The following ZNF462 variants were observed in gnomAD, a reference collection of about 807,000 sequenced individuals.
The protein encoded by ZNF462 is zinc finger protein 462, also known as zinc finger PBX1-interacting protein.
Under a neutral mutation model 201.9 loss-of-function variants are expected in ZNF462, and 10 were observed. The observed-to-expected ratio is 0.05, with a 90% CI of 0.03 to 0.08. ZNF462 has a LOEUF of 0.08. Among genes scored for constraint, ZNF462 ranks in the 10% least tolerant of loss-of-function variants. The pLI is 1.00. For missense variants in ZNF462, 2,523 were observed against 3,168.3 expected, an observed-to-expected ratio of 0.80 and a Z score of 4.89; for synonymous variants, 1,227 against 1,193.3, an observed-to-expected ratio of 1.03 and a Z score of -0.58.
At position 106,978,884 on chromosome 9, in the gene ZNF462, A is replaced by G; in HGVS notation, c.6832+4611A>G. On this transcript the variant is annotated intron_variant, in intron 9 of 12. Transcript: ENST00000277225. This position sits in a 1 kb window ranked among gnomAD's most constrained non-coding sequence, Gnocchi z 4.1. ...TGCCTCCTCAGTGATGTGGGATCTC[A>G]TCATATCTGTCATTATAATTGGTCC... 6.9e-6 allele frequency: 2 copies of G among 289,760 alleles called. No homozygotes were observed. The highest frequency in any genetic ancestry group is 7.2e-5 in the South Asian group (2 of 27,796). The allele number at this position is 289,760 out of a possible 1,614,324, so 17.9% of individuals were successfully genotyped here. A position where few individuals can be genotyped will look rare whatever the true frequency, so the allele number is the denominator to read the frequency against.
At position 106,902,149 on chromosome 9, in the gene ZNF462, A is replaced by T. The variant is rs1349807653; in HGVS notation, c.-30-21205A>T. Among the ~76,000 whole-genome samples, 2 of 152,110 alleles carry T rather than the reference A, an allele frequency of 1.3e-5. No individual in the cohort carries two copies. The highest frequency in any genetic ancestry group is 2.9e-5 in the Non-Finnish European group (2 of 68,014). On this transcript the variant is annotated intron_variant, in intron 1 of 12. Coordinates refer to ENST00000277225, the MANE Select transcript of ZNF462 (RefSeq NM_021224.6). This position sits in a 1 kb window ranked among gnomAD's most constrained non-coding sequence, Gnocchi z 4.2. Reference sequence around the variant, plus strand: ...ATAAAGGGATGCTGGATTTTGTCGAATGCTTTTTCTGCCTCTATTGAGATG... The same window carrying T: ...ATAAAGGGATGCTGGATTTTGTCGATTGCTTTTTCTGCCTCTATTGAGATG...
At chr9:106,874,333 A>G (rs1489141408) in intron 1 of ZNF462, among the ~76,000 whole-genome samples, 1 of 152,178 alleles carries the variant, frequency 6.6e-6, no homozygotes, top group Non-Finnish European at 1.5e-5. Flanking sequence ...CCAGTTCTCA[A>G]TGGGTTTCTT....
intron 1 of ZNF462, among the ~76,000 whole-genome samples, chr9:106,904,518 A>G (rs1829187154): frequency 1.3e-5 from 2 of 152,098 alleles, no homozygotes; most frequent in Admixed American, 1.3e-4. Context: ...ATTCCCCCCG[A>G]TATGTTTTCT....
chr9:106,958,582 AAAATG>A (rs1831684091), intron 7 of ZNF462, among the ~76,000 whole-genome samples: 1 of 152,144 alleles, frequency 6.6e-6, no homozygotes, highest in Non-Finnish European at 1.5e-5. Flanking sequence ...AAGATTTCTC[AAAATG>A]AGTAGTAAGC....
intron 1 of ZNF462, among the ~76,000 whole-genome samples, chr9:106,873,716 A>G (rs1827701969): frequency 1.3e-5 from 2 of 152,172 alleles, no homozygotes; most frequent in Non-Finnish European, 2.9e-5. Context: ...GAAACATCAC[A>G]AGATAGTAAG....
In ZNF462 at chr9:107,013,011, T is replaced by C. The variant is rs181214900; in HGVS notation, c.*1981T>C. 7.0e-6 allele frequency: 1 copy of C among 143,274 alleles called. No individual in the cohort carries two copies. Among genetic ancestry groups the C allele is most frequent in the East Asian group, 1.9e-4 (1 of 5,178 alleles). 8.9% of individuals were successfully genotyped at this position (143,274 alleles called of 1,614,324 possible). On this transcript the variant is annotated 3_prime_UTR_variant, in exon 13 of 13. Coordinates refer to ENST00000277225, the MANE Select transcript of ZNF462 (RefSeq NM_021224.6). ...TATCCAGACAAAGATTCATTTTGTG[T>C]CTATATTTGTTTTTAATTGGCCTCA... is the stretch of plus-strand genomic sequence containing the variant.
At position 106,981,737 on chromosome 9, in the gene ZNF462, T is replaced by A. The variant is rs756592259; in HGVS notation, c.6833-2449T>A. Among the ~76,000 whole-genome samples the A allele has an allele frequency of 3.4e-4, 52 of 152,068 alleles. No individual in the cohort carries two copies. The highest frequency in any genetic ancestry group is 7.5e-4 in the Non-Finnish European group (51 of 68,008). ...AAACCAACCTAAGTGGTAGAGGAAT[T>A]GAAAAGGAGGCTCATAAAAAAGTTT... On this transcript the variant is annotated intron_variant, in intron 9 of 12. Transcript: ENST00000277225. This position sits in a 1 kb window ranked among gnomAD's most constrained non-coding sequence, Gnocchi z 4.0.
In ZNF462 at chr9:106,966,475, A is replaced by G. The variant is rs953915918; in HGVS notation, c.6428-5530A>G. Among the ~76,000 whole-genome samples, 1 of 152,106 alleles carries G rather than the reference A, an allele frequency of 6.6e-6. No individual in the cohort carries two copies. The highest frequency in any genetic ancestry group is 2.4e-5 in the African/African-American group (1 of 41,432). ...TAGTTATATTTATTAATGGACACTC[A>G]TAGTTCTCTTGACATCCCCTCTCCA... On this transcript the variant is annotated intron_variant, in intron 7 of 12. Coordinates refer to ENST00000277225, the MANE Select transcript of ZNF462 (RefSeq NM_021224.6). This position sits in a 1 kb window ranked among gnomAD's most constrained non-coding sequence, Gnocchi z 4.4.
intron 10 of ZNF462, among the ~76,000 whole-genome samples, chr9:106,996,750 T>C (rs1156757174): frequency 6.6e-6 from 1 of 152,182 alleles, no homozygotes; most frequent in African/African-American, 2.4e-5. Context: ...AAAAATTTTC[T>C]CCTGTTCTAT....
rs1302145717 is a variant in ZNF462, at chr9:106,876,874, C to G, written c.-31+13519C>G. 1.3e-5 allele frequency among the ~76,000 whole-genome samples: 2 copies of G among 152,200 alleles called. No homozygotes were observed. Among genetic ancestry groups the G allele is most frequent in the Non-Finnish European group, 2.9e-5 (2 of 68,048 alleles). ...GTTTATATAAATGTTGTCTGCCTCACTGTTGCTCTACTCACATACATATCT... is the reference window on the plus strand; with the variant it reads ...GTTTATATAAATGTTGTCTGCCTCAGTGTTGCTCTACTCACATACATATCT... On this transcript the variant is annotated intron_variant, in intron 1 of 12. Transcript: ENST00000277225. This position sits in a 1 kb window ranked among gnomAD's most constrained non-coding sequence, Gnocchi z 4.9.
chr9:106,871,203 T>C (rs1485277034), intron 1 of ZNF462, among the ~76,000 whole-genome samples: 8 of 152,256 alleles, frequency 5.3e-5, no homozygotes, highest in Admixed American at 5.2e-4. Flanking sequence ...CTCATTTCTA[T>C]TGCTAATGAA....
intron 7 of ZNF462, among the ~76,000 whole-genome samples, chr9:106,947,115 G>A (rs1044795805): frequency 2.0e-5 from 3 of 152,168 alleles, no homozygotes; most frequent in Admixed American, 6.5e-5. Flanking sequence ...GATTCAGTCC[G>A]TTTCTGTTTA....
Position 107,011,033 on chromosome 9 carries a change from G to T in ZNF462, c.*3G>T, listed in dbSNP as rs374070328. On this transcript the variant is annotated 3_prime_UTR_variant, in exon 13 of 13. Coordinates refer to ENST00000277225, the MANE Select transcript of ZNF462 (RefSeq NM_021224.6). The surrounding 1 kb of genome is among the most constrained non-coding windows in gnomAD (Gnocchi z 5.6). Reference sequence around the variant, plus strand: ...ATGCAGAGGCCAAAAAAGAATGAGCGTTTGGTGAAATTCTTAATCAAACCT... The same window carrying T: ...ATGCAGAGGCCAAAAAAGAATGAGCTTTTGGTGAAATTCTTAATCAAACCT... 6 of 1,612,388 alleles carry T rather than the reference G, an allele frequency of 3.7e-6. No homozygotes were observed. The East Asian group carries it at 1.3e-4, about 36-fold the overall frequency.
In ZNF462 at chr9:106,885,656, G is replaced by A. The variant is rs1020618066; in HGVS notation, c.-31+22301G>A. Among the ~76,000 whole-genome samples, 1 of 152,196 alleles carries A rather than the reference G, an allele frequency of 6.6e-6. No homozygotes were observed. The highest frequency in any genetic ancestry group is 6.5e-5 in the Admixed American group (1 of 15,280). On this transcript the variant is annotated intron_variant, in intron 1 of 12. Coordinates refer to ENST00000277225, the MANE Select transcript of ZNF462 (RefSeq NM_021224.6). The surrounding 1 kb of genome is among the most constrained non-coding windows in gnomAD (Gnocchi z 4.1). ...TTGCTGAAAAGTGACTCAGATCACCGTGGCAAACAATCCTGTCCAGTTCCA... is the reference window on the plus strand; with the variant it reads ...TTGCTGAAAAGTGACTCAGATCACCATGGCAAACAATCCTGTCCAGTTCCA...
intron 1 of ZNF462, among the ~76,000 whole-genome samples, chr9:106,916,107 C>T (rs559679531): frequency 6.6e-6 from 1 of 152,196 alleles, no homozygotes; most frequent in Non-Finnish European, 1.5e-5. Context: ...TCACACACTC[C>T]GCAAGCCACT....
At position 107,011,064 on chromosome 9, in the gene ZNF462, G is replaced by T; in HGVS notation, c.*34G>T. ...TGAAATTCTTAATCAAACCTTACTT[G>T]AACAGTGATGAAAAAGTGGGAGGGC... is the stretch of plus-strand genomic sequence containing the variant. On this transcript the variant is annotated 3_prime_UTR_variant, in exon 13 of 13. Transcript: ENST00000277225. The surrounding 1 kb of genome is among the most constrained non-coding windows in gnomAD (Gnocchi z 5.6). The T allele has an allele frequency of 6.2e-7, 1 of 1,603,324 alleles. No individual in the cohort carries two copies. The highest frequency in any genetic ancestry group is 1.1e-5 in the South Asian group (1 of 90,632).
rs140491803 is a variant in ZNF462, at chr9:106,986,472, A to G, written c.7056+2063A>G. ...TGTATCTCCTCCACTTTGAGACCCA[A>G]TACATTCCTTAGAGTATTTGTTAAT... On this transcript the variant is annotated intron_variant, in intron 10 of 12. Coordinates refer to ENST00000277225, the MANE Select transcript of ZNF462 (RefSeq NM_021224.6). Among the ~76,000 whole-genome samples the G allele has an allele frequency of 3.1e-3, 470 of 152,284 alleles. 4 individuals are homozygous for G. The highest frequency in any genetic ancestry group is 0.011 in the African/African-American group (459 of 41,558).
intron 9 of ZNF462, among the ~76,000 whole-genome samples, chr9:106,980,037 G>A (rs1236515670): frequency 1.3e-5 from 2 of 152,144 alleles, no homozygotes; most frequent in Non-Finnish European, 1.5e-5. Context: ...AAAGTCTACA[G>A]TGAGATTGCC....
chr9:107,012,153 T>C lies in ZNF462; in HGVS notation c.*1123T>C, dbSNP rs1332666883. The C allele has an allele frequency of 6.7e-6, 1 of 149,566 alleles. No individual in the cohort carries two copies. The highest frequency in any genetic ancestry group is 2.5e-5 in the African/African-American group (1 of 40,790). The allele number at this position is 149,566 out of a possible 1,614,324, so 9.3% of individuals were successfully genotyped here. A position where few individuals can be genotyped will look rare whatever the true frequency, so the allele number is the denominator to read the frequency against. On this transcript the variant is annotated 3_prime_UTR_variant, in exon 13 of 13. Transcript: ENST00000277225. ...TTAATTTAACTAAAGAACCAAACTT[T>C]CGGCACAGCTATGCAGCTTGTGGGC...
Sources: gnomAD v4.1 joint callset for allele counts (sites outside exome capture counted in the v4.1 genomes callset) on GRCh38, gnomAD v4.1.1 for gene constraint, Gnocchi (gnomAD v3.1) non-coding constraint, MANE v1.5 for transcripts, NCBI Gene and HGNC (gene_info 2026-07-23, HGNC 2026-07-21) for gene names.